CDC5L: variants seen among roughly 807,000 people sequenced by gnomAD.
The protein encoded by CDC5L is cell division cycle 5 like.
A neutral mutation model predicts 104.1 loss-of-function variants in CDC5L; 18 were observed. The ratio of observed to expected loss-of-function variants is 0.17; its 90% CI spans 0.12 to 0.26. The LOEUF is 0.26. CDC5L is among the 10% of genes least tolerant of loss of function. CDC5L has a pLI of 1.00. For missense variants in CDC5L, 673 were observed against 956.9 expected, an observed-to-expected ratio of 0.70 and a Z score of 3.91; for synonymous variants, 331 against 322.7, an observed-to-expected ratio of 1.03 and a Z score of -0.28.
At chr6:44,394,086 G>C (rs1376909257) in intron 4 of CDC5L, among the ~76,000 whole-genome samples, 1 of 152,144 alleles carries the variant, frequency 6.6e-6, no homozygotes, top group Non-Finnish European at 1.5e-5. Flanking sequence ...CTTCAATTCA[G>C]TTAATTAAGT....
intron 9 of CDC5L, among the ~76,000 whole-genome samples, chr6:44,419,803 G>A (rs1012785316): frequency 3.3e-5 from 5 of 151,994 alleles, no homozygotes; most frequent in African/African-American, 7.3e-5. Flanking sequence ...ATGGAGTCTC[G>A]CTCTGTTACC....
chr6:44,422,799 T>A lies in CDC5L; in HGVS notation c.1394T>A (p.Val465Glu). Residue 465 changes from valine to glutamate, a missense_variant, in exon 10 of 16, where the codon GTG becomes GAG. Around this residue, in one of 4 missense-constraint regions of CDC5L, gnomAD observed 578 missense variants for 737.0 expected, o/e 0.78. Coordinates refer to ENST00000371477, the MANE Select transcript of CDC5L (RefSeq NM_001253.4). ...GCAGACTATAGTGATCCCTCTTACG[T>A]GAAGCAGATGGTAAATGTCAATTCC... is the stretch of plus-strand genomic sequence containing the variant. ...GMADYSDPSYVKQMERESREH... is the reference protein window; with the variant it reads ...GMADYSDPSYEKQMERESREH... 1 of 1,600,842 alleles carries A rather than the reference T, an allele frequency of 6.2e-7. No homozygotes were observed.
chr6:44,441,031 T>C (rs1793162185), intron 14 of CDC5L, among the ~76,000 whole-genome samples: 1 of 152,182 alleles, frequency 6.6e-6, no homozygotes, highest in African/African-American at 2.4e-5. Flanking sequence ...TTTTAGCTAT[T>C]TTGAAATAAA....
At chr6:44,410,963 C>T (rs1561972156) in intron 8 of CDC5L, among the ~76,000 whole-genome samples, 2 of 150,376 alleles carry the variant, frequency 1.3e-5, no homozygotes, top group African/African-American at 4.9e-5. Context: ...AATTTACTAT[C>T]ATATATGTAA....
At chr6:44,422,851 A>T (rs756428887) in intron 10 of CDC5L, 42 bp downstream of exon 10, 35 of 1,396,856 alleles carry the variant, frequency 2.5e-5, no homozygotes, top group Non-Finnish European at 3.5e-5. Context: ...ATTTTTTTTT[A>T]ATATCTCATG....
intron 14 of CDC5L, among the ~76,000 whole-genome samples, chr6:44,431,655 G>A (rs1792692765): frequency 6.6e-6 from 1 of 152,020 alleles, no homozygotes; most frequent in Admixed American, 6.6e-5. Flanking sequence ...CTTTGTTGAG[G>A]TACTAACTTT....
At chr6:44,410,777 A>G (rs1159078325) in intron 8 of CDC5L, among the ~76,000 whole-genome samples, 1 of 152,176 alleles carries the variant, frequency 6.6e-6, no homozygotes, top group Non-Finnish European at 1.5e-5. Context: ...TTTTCATTCC[A>G]GAGACTCATG....
chr6:44,420,042 G>C (rs1792090829), intron 9 of CDC5L, among the ~76,000 whole-genome samples: 1 of 152,016 alleles, frequency 6.6e-6, no homozygotes. Flanking sequence ...ATTACTTTGT[G>C]AATTTTATTA....
intron 13 of CDC5L, 150 bp downstream of exon 13, chr6:44,426,874 A>G (rs1265376698): frequency 1.3e-6 from 1 of 769,954 alleles, no homozygotes; most frequent in Non-Finnish European, 2.1e-6. Flanking sequence ...ATTAAGTGTT[A>G]TGAAAAGGAC....
chr6:44,406,931 C>T (rs1235649501), intron 7 of CDC5L, among the ~76,000 whole-genome samples: 1 of 148,804 alleles, frequency 6.7e-6, no homozygotes, highest in Non-Finnish European at 1.5e-5. Flanking sequence ...ACAACAATAA[C>T]AAAAAAAAAC....
At chr6:44,396,575 A>G (rs1790880014) in intron 5 of CDC5L, 135 bp downstream of exon 5, 5 of 597,444 alleles carry the variant, frequency 8.4e-6, no homozygotes, top group Admixed American at 5.7e-5. Context: ...TCAATTCTGC[A>G]GTGGATAGCT....
intron 14 of CDC5L, among the ~76,000 whole-genome samples, chr6:44,441,932 CTTTTTT>C (rs145016358): frequency 1.1e-5 from 1 of 92,868 alleles, no homozygotes; most frequent in African/African-American, 4.4e-5. Flanking sequence ...AGGTCTTGTT[CTTTTTT>C]TTTTTTTTTT....
chr6:44,396,278 C>G, intron 4 of CDC5L, 63 bp from the exon 5 acceptor site: 1 of 1,011,620 alleles, frequency 9.9e-7, no homozygotes, highest in South Asian at 1.5e-5. Flanking sequence ...TCTTACATAC[C>G]TTGCTTCTAG....
intron 11 of CDC5L, 40 bp downstream of exon 11, chr6:44,424,623 T>A: frequency 1.3e-6 from 2 of 1,599,028 alleles, no homozygotes; most frequent in Admixed American, 3.3e-5. Context: ...TTTGGCTGAA[T>A]GTGTCAGTAG....
chr6:44,403,072 A>G (rs1227203433), intron 5 of CDC5L, among the ~76,000 whole-genome samples: 7 of 152,184 alleles, frequency 4.6e-5, no homozygotes, highest in Non-Finnish European at 1.0e-4. Context: ...ATGAATGTGT[A>G]TTTCTAACTT....
At chr6:44,438,499 G>A (rs1301442069) in intron 14 of CDC5L, among the ~76,000 whole-genome samples, 1 of 152,044 alleles carries the variant, frequency 6.6e-6, no homozygotes, top group African/African-American at 2.4e-5. Flanking sequence ...CACTGGTGCT[G>A]GTAGATTTTA....
In CDC5L at chr6:44,445,856, C is replaced by T. The variant is rs1353133193; in HGVS notation, c.2293C>T (p.Arg765Trp). ...LKKHEDSAIP[R>W]RLECLKEDVQ... is the part of the protein sequence containing the mutation. The stretch of plus-strand genomic sequence containing the variant: ...GAAACATGAAGATTCTGCTATTCCC[C>T]GGAGGCTAGAGGTAACGTTATATAT... Residue 765 changes from arginine (R) to tryptophan (W), a missense_variant, in exon 15 of 16, where the codon CGG becomes TGG. Physicochemically the swap from Arg to Trp is moderately radical, Grantham distance 101. Around this residue, in one of 4 missense-constraint regions of CDC5L, gnomAD observed 578 missense variants for 737.0 expected, o/e 0.78. Coordinates refer to ENST00000371477, the MANE Select transcript of CDC5L (RefSeq NM_001253.4). The T allele has an allele frequency of 5.0e-6, 8 of 1,612,116 alleles. No individual in the cohort carries two copies. The highest frequency in any genetic ancestry group is 2.7e-5 in the African/African-American group (2 of 74,864).
At chr6:44,408,397 C>A in intron 7 of CDC5L, 47 bp from the exon 8 acceptor site, 1 of 1,460,148 alleles carries the variant, frequency 6.8e-7, no homozygotes, top group South Asian at 1.2e-5. Context: ...CCACTGTGCC[C>A]GGCCTCAGTT....
intron 7 of CDC5L, among the ~76,000 whole-genome samples, chr6:44,408,096 C>T (rs1017624607): frequency 6.6e-6 from 1 of 152,070 alleles, no homozygotes; most frequent in Admixed American, 6.5e-5. Flanking sequence ...TGTGAATTTT[C>T]CCCTCACATT....
Sources: allele counts gnomAD v4.1 joint callset (sites outside exome capture counted in the v4.1 genomes callset), GRCh38; gene constraint gnomAD v4.1.1; regional missense constraint gnomAD v4.1.1; transcripts MANE v1.5; gene names NCBI Gene and HGNC (gene_info 2026-07-23, HGNC 2026-07-21).